Variants in DVL3 observed in about 807,000 individuals in gnomAD.
The protein encoded by DVL3 is dishevelled segment polarity protein 3.
In DVL3, 27 loss-of-function variants were observed where a neutral mutation model predicts 67.4. The ratio of observed to expected loss-of-function variants is 0.40; its 90% CI spans 0.30 to 0.55. The LOEUF (loss-of-function observed/expected upper bound fraction) is 0.55, where lower values mean the gene tolerates loss of function less well. DVL3 is among the 20% of genes least tolerant of loss of function. The pLI is 0.46. For missense variants in DVL3, 819 were observed against 1,021.5 expected (o/e 0.80, Z 2.70); for synonymous variants, 369 against 396.8 (o/e 0.93, Z 0.83).
chr3:184,168,626 C>G (rs1399997459), intron 13 of DVL3, among the ~76,000 whole-genome samples: 4 of 152,034 alleles, frequency 2.6e-5, no homozygotes, highest in African/African-American at 7.2e-5. Context: ...CAGGCAGCCT[C>G]AGAGCCCTGT....
chr3:184,168,922 GGAGT>G (rs1714696777), intron 13 of DVL3, among the ~76,000 whole-genome samples: 6 of 152,170 alleles, frequency 3.9e-5, no homozygotes. Context: ...TAATGTTGGT[GGAGT>G]GAGACAGTGC....
At position 184,170,634 on chromosome 3, in the gene DVL3, G is replaced by T; in HGVS notation, c.2030G>T (p.Gly677Val). ...ATGCCCCCGCCGCCCGCGGCCATGG[G>T]GCCCCCAGGAGCCCCTCCGGGCCGC... ...LMMPPPPAAM[G>V]PPGAPPGRDL... The change falls in exon 15 of 15, where the codon GGG becomes GTG. Residue 677 changes from glycine to valine, a missense_variant. This residue lies in a region of DVL3 where 324 missense variants were observed against 331.3 expected (regional missense o/e 0.98). Transcript: ENST00000313143. This position sits in a 1 kb window ranked among gnomAD's most constrained non-coding sequence, Gnocchi z 6.5. 1 of 1,609,742 alleles carries T rather than the reference G, an allele frequency of 6.2e-7. No homozygotes were observed. The highest frequency in any genetic ancestry group is 8.5e-7 in the Non-Finnish European group (1 of 1,178,130).
Position 184,170,901 on chromosome 3 carries a change from CTGCGAGGGTGG to C in DVL3, c.*147_*157del. ...AGGTGCGCTAACTGCTCGCAGGGTGCTGCGAGGGTGGGGTGCACCTACCGATTGGCTCTGCA... is the reference window on the plus strand; with the variant it reads ...AGGTGCGCTAACTGCTCGCAGGGTGCGGTGCACCTACCGATTGGCTCTGCA... On this transcript the variant is annotated 3_prime_UTR_variant, in exon 15 of 15. Transcript: ENST00000313143. The surrounding 1 kb of genome is among the most constrained non-coding windows in gnomAD (Gnocchi z 6.5). The C allele has an allele frequency of 3.2e-6, 5 of 1,546,034 alleles. No individual in the cohort carries two copies. Among genetic ancestry groups the C allele is most frequent in the Non-Finnish European group, 4.4e-6 (5 of 1,146,066 alleles).
chr3:184,171,090 A>G lies in DVL3; in HGVS notation c.*335A>G. The G allele has an allele frequency of 8.1e-7, 1 of 1,236,884 alleles. No homozygotes were observed. The highest frequency in any genetic ancestry group is 1.0e-6 in the Non-Finnish European group (1 of 976,520). 76.6% of individuals were successfully genotyped at this position (1,236,884 alleles called of 1,614,324 possible). ...CCCCATTTTGGGAGTTGACCCCAGC[A>G]ATGACCTTGGTGGCACGCTCACTCC... On this transcript the variant is annotated 3_prime_UTR_variant, in exon 15 of 15. Coordinates refer to ENST00000313143, the MANE Select transcript of DVL3 (RefSeq NM_004423.4).
In DVL3 at chr3:184,171,056, C is replaced by T; in HGVS notation, c.*301C>T. 1 of 1,301,362 alleles carries T rather than the reference C, an allele frequency of 7.7e-7. No individual in the cohort carries two copies. The highest frequency in any genetic ancestry group is 9.8e-7 in the Non-Finnish European group (1 of 1,015,516). The allele number at this position is 1,301,362 out of a possible 1,614,324, so 80.6% of individuals were successfully genotyped here. A position where few individuals can be genotyped will look rare whatever the true frequency, so the allele number is the denominator to read the frequency against. The stretch of plus-strand genomic sequence containing the variant: ...CTTGTTGGTGCTACCCCTTACTCCC[C>T]TCTGCAACCCCCATTTTGGGAGTTG... On this transcript the variant is annotated 3_prime_UTR_variant, in exon 15 of 15. Transcript: ENST00000313143.
At position 184,160,541 on chromosome 3, in the gene DVL3, T is replaced by TGTGC. The variant is rs1200642933; in HGVS notation, c.162-3113_162-3112insCGTG. On this transcript the variant is annotated intron_variant, in intron 1 of 14. Transcript: ENST00000313143. ...TGACTCCATTTGGGGTATGAGTGTG[T>TGTGC]GTGTGTGTGTGTAAGTGCTATGTAA... 2.0e-5 allele frequency among the ~76,000 whole-genome samples: 3 copies of TGTGC among 151,688 alleles called. No homozygotes were observed. In the East Asian group the frequency reaches 5.8e-4, roughly 29 times the overall value.
Position 184,165,324 on chromosome 3 carries a change from G to A in DVL3, c.694-98G>A. The stretch of plus-strand genomic sequence containing the variant: ...CCTAGTGCAGTGTTGAGAACCTTGG[G>A]GCTGGGGGCTGCACCGGGGACTCAC... On this transcript the variant is annotated intron_variant, in intron 6 of 14. Coordinates refer to ENST00000313143, the MANE Select transcript of DVL3 (RefSeq NM_004423.4). This position sits in a 1 kb window ranked among gnomAD's most constrained non-coding sequence, Gnocchi z 4.1. The A allele has an allele frequency of 6.5e-7, 1 of 1,544,434 alleles. No homozygotes were observed. The highest frequency in any genetic ancestry group is 8.9e-7 in the Non-Finnish European group (1 of 1,127,182).
chr3:184,165,975 C>T lies in DVL3; in HGVS notation c.764-151C>T. On this transcript the variant is annotated intron_variant, in intron 7 of 14. Transcript: ENST00000313143. The surrounding 1 kb of genome is among the most constrained non-coding windows in gnomAD (Gnocchi z 4.1). ...CCCTACCTTATAGCCAGCAAGGGTT[C>T]CATGGAAGCATGTTTGAGCATGCTG... 4 of 926,066 alleles carry T rather than the reference C, an allele frequency of 4.3e-6. No individual in the cohort carries two copies. Among genetic ancestry groups the T allele is most frequent in the South Asian group, 1.7e-5 (1 of 57,396 alleles). The allele number at this position is 926,066 out of a possible 1,614,324, so 57.4% of individuals were successfully genotyped here.
rs200811835 is a variant in DVL3, at chr3:184,170,535, T to C, written c.1931T>C (p.Leu644Pro). Residue 644 changes from leucine (L) to proline (P), a missense_variant, in exon 15 of 15, where the codon CTT becomes CCT. By Grantham distance (98) the Leu-to-Pro change is moderately conservative (BLOSUM62 -3). Coordinates refer to ENST00000313143, the MANE Select transcript of DVL3 (RefSeq NM_004423.4). This position sits in a 1 kb window ranked among gnomAD's most constrained non-coding sequence, Gnocchi z 6.5. ...HRSHHSLASS[L>P]RSHHTHPSYG... ...AGCCACCATTCCCTGGCCAGCAGCC[T>C]TCGCAGCCACCACACACACCCGAGC... 4 of 1,611,258 alleles carry C rather than the reference T, an allele frequency of 2.5e-6. No individual in the cohort carries two copies. Among genetic ancestry groups the C allele is most frequent in the Non-Finnish European group, 3.4e-6 (4 of 1,178,756 alleles).
Position 184,167,099 on chromosome 3 carries a change from C to A in DVL3, c.1198+124C>A. 2 of 1,230,524 alleles carry A rather than the reference C, an allele frequency of 1.6e-6. No homozygotes were observed. Among genetic ancestry groups the A allele is most frequent in the Admixed American group, 2.1e-5 (1 of 46,724 alleles). 76.2% of individuals were successfully genotyped at this position (1,230,524 alleles called of 1,614,324 possible). ...GCTGGAGATGGGGCTCGGCTCATTC[C>A]AGCAACCCCACACTGCAACTCCCCC... is the stretch of plus-strand genomic sequence containing the variant. On this transcript the variant is annotated intron_variant, in intron 11 of 14. Coordinates refer to ENST00000313143, the MANE Select transcript of DVL3 (RefSeq NM_004423.4). This position sits in a 1 kb window ranked among gnomAD's most constrained non-coding sequence, Gnocchi z 4.6.
chr3:184,167,110 C>G lies in DVL3; in HGVS notation c.1198+135C>G. On this transcript the variant is annotated intron_variant, in intron 11 of 14. Coordinates refer to ENST00000313143, the MANE Select transcript of DVL3 (RefSeq NM_004423.4). The surrounding 1 kb of genome is among the most constrained non-coding windows in gnomAD (Gnocchi z 4.6). The stretch of plus-strand genomic sequence containing the variant: ...GGCTCGGCTCATTCCAGCAACCCCA[C>G]ACTGCAACTCCCCCACAGCGGGCAC... The G allele has an allele frequency of 9.2e-7, 1 of 1,085,666 alleles. No homozygotes were observed. Among genetic ancestry groups the G allele is most frequent in the Non-Finnish European group, 1.3e-6 (1 of 751,220 alleles). The allele number at this position is 1,085,666 out of a possible 1,614,324, so 67.3% of individuals were successfully genotyped here.
At chr3:184,156,427 G>C in intron 1 of DVL3, 1 of 456,758 alleles carries the variant, frequency 2.2e-6, no homozygotes, top group Non-Finnish European at 4.4e-6. Flanking sequence ...GACCCCTGCG[G>C]AGTAGTCCTC....
chr3:184,163,811 G>A lies in DVL3; in HGVS notation c.231+85G>A. On this transcript the variant is annotated intron_variant, in intron 2 of 14. Coordinates refer to ENST00000313143, the MANE Select transcript of DVL3 (RefSeq NM_004423.4). This position sits in a 1 kb window ranked among gnomAD's most constrained non-coding sequence, Gnocchi z 4.5. ...GGCATCACTGAGATTGTAGCTGGTG[G>A]TTTTAAGCTTCAGTATCTGAATCTT... 2.4e-6 allele frequency: 3 copies of A among 1,233,382 alleles called. No homozygotes were observed. The highest frequency in any genetic ancestry group is 1.3e-5 in the South Asian group (1 of 79,722). The allele number at this position is 1,233,382 out of a possible 1,614,324, so 76.4% of individuals were successfully genotyped here. A position where few individuals can be genotyped will look rare whatever the true frequency, so the allele number is the denominator to read the frequency against.
intron 1 of DVL3, among the ~76,000 whole-genome samples, chr3:184,157,694 A>G (rs1222803364): frequency 6.6e-6 from 1 of 152,238 alleles, no homozygotes; most frequent in East Asian, 1.9e-4. Context: ...TGAACTAAGC[A>G]ATGTTAATCT....
intron 1 of DVL3, among the ~76,000 whole-genome samples, chr3:184,159,582 A>T (rs1243110774): frequency 0.11 from 5,964 of 56,478 alleles, 1,135 homozygotes; most frequent in South Asian, 0.13. Context: ...CAAGCTAGTC[A>T]CGAACTCTTG....
At position 184,171,125 on chromosome 3, in the gene DVL3, T is replaced by A; in HGVS notation, c.*370T>A. On this transcript the variant is annotated 3_prime_UTR_variant, in exon 15 of 15. Coordinates refer to ENST00000313143, the MANE Select transcript of DVL3 (RefSeq NM_004423.4). The stretch of plus-strand genomic sequence containing the variant: ...GTGGCACGCTCACTCCCTCATTCTC[T>A]CGTTTCCCCTTTAGCTCCCTTTCAC... 8.4e-7 allele frequency: 1 copy of A among 1,193,562 alleles called. No individual in the cohort carries two copies. Among genetic ancestry groups the A allele is most frequent in the Non-Finnish European group, 1.1e-6 (1 of 951,310 alleles). 73.9% of individuals were successfully genotyped at this position (1,193,562 alleles called of 1,614,324 possible).
At chr3:184,158,875 A>T (rs1714289231) in intron 1 of DVL3, among the ~76,000 whole-genome samples, 1 of 147,948 alleles carries the variant, frequency 6.8e-6, no homozygotes, top group East Asian at 2.0e-4. Flanking sequence ...TCCCGGGTTC[A>T]GGTGATTCTC....
chr3:184,156,571 C>T (rs1714197056), intron 1 of DVL3: 2 of 426,466 alleles, frequency 4.7e-6, no homozygotes, highest in South Asian at 3.4e-5. Context: ...CTCTATCTTC[C>T]CCTCCCTGGT....
rs755147335 is a variant in DVL3 at position 184,170,636 on chromosome 3, C to T, written c.2032C>T (p.Pro678Ser). ...MMPPPPAAMGPPGAPPGRDLA... is the reference protein window; with the variant it reads ...MMPPPPAAMGSPGAPPGRDLA... ...GCCCCCGCCGCCCGCGGCCATGGGG[C>T]CCCCAGGAGCCCCTCCGGGCCGCGA... The change falls in exon 15 of 15, where the codon CCC (proline) becomes TCC (serine). Residue 678 changes from proline to serine, a missense_variant. Around this residue, in one of 3 missense-constraint regions of DVL3, gnomAD observed 324 missense variants for 331.3 expected, o/e 0.98. Coordinates refer to ENST00000313143, the MANE Select transcript of DVL3 (RefSeq NM_004423.4). The surrounding 1 kb of genome is among the most constrained non-coding windows in gnomAD (Gnocchi z 6.5). 1 of 1,609,984 alleles carries T rather than the reference C, an allele frequency of 6.2e-7. No individual in the cohort carries two copies. Among genetic ancestry groups the T allele is most frequent in the South Asian group, 1.1e-5 (1 of 90,840 alleles).
Sources: gnomAD v4.1 joint callset for allele counts (sites outside exome capture counted in the v4.1 genomes callset) on GRCh38, gnomAD v4.1.1 for gene constraint, gnomAD v4.1.1 regional missense constraint, Gnocchi (gnomAD v3.1) non-coding constraint, MANE v1.5 for transcripts, NCBI Gene and HGNC (gene_info 2026-07-23, HGNC 2026-07-21) for gene names.